The following DPP6 variants were observed in gnomAD, a reference collection of about 807,000 sequenced individuals.
DPP6 encodes dipeptidyl peptidase like 6.
Under a neutral mutation model 122.6 loss-of-function variants are expected in DPP6, and 69 were observed. That is an observed-to-expected ratio of 0.56 (90% CI 0.46 to 0.69). The LOEUF is 0.69. Ranked by LOEUF, DPP6 falls within the 30% of genes least tolerant of loss-of-function variation. DPP6 has a pLI of 0.00. For synonymous variants in DPP6, 418 were observed against 433.1 expected, an observed-to-expected ratio of 0.97 and a Z score of 0.43; for missense variants, 928 against 1,116.9, an observed-to-expected ratio of 0.83 and a Z score of 2.41.
At chr7:154,156,518 A>G (rs1796688962) in intron 1 of DPP6, among the ~76,000 whole-genome samples, 1 of 152,214 alleles carries the variant, frequency 6.6e-6, no homozygotes, top group Non-Finnish European at 1.5e-5. Flanking sequence ...TCTTTATTGG[A>G]TATAGCTGGC....
At chr7:153,943,441 A>G (rs1347314584) in intron 1 of DPP6, among the ~76,000 whole-genome samples, 1 of 152,176 alleles carries the variant, frequency 6.6e-6, no homozygotes, top group Non-Finnish European at 1.5e-5. Context: ...TCCAAATTCC[A>G]TCAAATCATG....
At chr7:154,353,379 T>G (rs890679963) in intron 1 of DPP6, among the ~76,000 whole-genome samples, 1 of 152,128 alleles carries the variant, frequency 6.6e-6, no homozygotes, top group African/African-American at 2.4e-5. Flanking sequence ...GTGCCCAGTA[T>G]AGCGAGAACC....
the DPP6 span, among the ~76,000 whole-genome samples, chr7:153,839,595 C>A: frequency 6.6e-6 from 1 of 152,214 alleles, no homozygotes; most frequent in Non-Finnish European, 1.5e-5. Flanking sequence ...GTCACAGCTG[C>A]ATGGACAGAT....
Position 154,052,845 on chromosome 7 carries a change from A to T in DPP6, c.25A>T (p.Thr9Ser), listed in dbSNP as rs1317234535. 7.8e-6 allele frequency: 12 copies of T among 1,536,856 alleles called. No individual in the cohort carries two copies. Among genetic ancestry groups the T allele is most frequent in the Non-Finnish European group, 9.6e-6 (11 of 1,141,642 alleles). ...GATGGCTTCGCTGTACCAGAGGTTC[A>T]CTGGCAAGATCAACACCTCGAGGTC... is the stretch of plus-strand genomic sequence containing the variant. MASLYQRF[T>S]GKINTSRSFP... is the part of the protein sequence containing the mutation. Residue 9 changes from threonine (T) to serine (S), a missense_variant, in exon 1 of 26, where the codon ACT becomes TCT. Physicochemically the swap from Thr to Ser is moderately conservative, Grantham distance 58. Coordinates refer to ENST00000377770, the MANE Select transcript of DPP6 (RefSeq NM_130797.4). The surrounding 1 kb of genome is among the most constrained non-coding windows in gnomAD (Gnocchi z 4.8).
chr7:154,160,357 T>A (rs952862952), intron 1 of DPP6, among the ~76,000 whole-genome samples: 2 of 152,176 alleles, frequency 1.3e-5, no homozygotes, highest in African/African-American at 4.8e-5. Context: ...TGTTTTATTG[T>A]GCTGCAAAGT....
At chr7:154,225,619 T>C (rs1800549899) in intron 1 of DPP6, among the ~76,000 whole-genome samples, 1 of 152,192 alleles carries the variant, frequency 6.6e-6, no homozygotes, top group Non-Finnish European at 1.5e-5. Flanking sequence ...GTGACAGGCT[T>C]TGAGCATGTG....
intron 1 of DPP6, among the ~76,000 whole-genome samples, chr7:154,260,851 G>C (rs915443402): frequency 6.6e-6 from 1 of 151,524 alleles, no homozygotes; most frequent in African/African-American, 2.4e-5. Context: ...TAAATACCTA[G>C]TAGTGGGATT....
intron 6 of DPP6, among the ~76,000 whole-genome samples, chr7:154,654,588 T>G (rs915838730): frequency 5.3e-5 from 8 of 151,764 alleles, no homozygotes; most frequent in African/African-American, 1.9e-4. Flanking sequence ...CCAGCTAATT[T>G]TTTTATTTTT....
chr7:154,192,679 A>G (rs1798672557), intron 1 of DPP6, among the ~76,000 whole-genome samples: 1 of 152,276 alleles, frequency 6.6e-6, no homozygotes, highest in South Asian at 2.1e-4. Context: ...TTATAAATGA[A>G]TTTTAAAAAT....
rs901316400 is a variant in DPP6, at chr7:154,182,914, T to C, written c.243+129851T>C. Among the ~76,000 whole-genome samples the C allele has an allele frequency of 2.0e-5, 3 of 152,262 alleles. No homozygotes were observed. In the South Asian group the frequency reaches 6.2e-4, roughly 32 times the overall value. The stretch of plus-strand genomic sequence containing the variant: ...TAGGTTCTTGGTTCTCATTCTCCTT[T>C]CCTGAGCCCTCCTTTCTCACTTCTC... On this transcript the variant is annotated intron_variant, in intron 1 of 25. Coordinates refer to ENST00000377770, the MANE Select transcript of DPP6 (RefSeq NM_130797.4).
At chr7:153,939,225 TATC>T (rs2129016163) in intron 1 of DPP6, among the ~76,000 whole-genome samples, 1 of 152,340 alleles carries the variant, frequency 6.6e-6, no homozygotes, top group East Asian at 1.9e-4. Flanking sequence ...AATTCGTTAT[TATC>T]AGTTAATATT....
intron 1 of DPP6, among the ~76,000 whole-genome samples, chr7:154,265,777 T>A (rs1156505190): frequency 2.0e-5 from 3 of 152,180 alleles, no homozygotes; most frequent in Admixed American, 6.5e-5. Flanking sequence ...TATTTCTTTT[T>A]AAAAAAATAT....
chr7:154,210,792 T>G (rs1263671293), intron 1 of DPP6, among the ~76,000 whole-genome samples: 1 of 150,968 alleles, frequency 6.6e-6, no homozygotes, highest in African/African-American at 2.4e-5. Flanking sequence ...GCAAGTTATC[T>G]ATGAGGGAGA....
At chr7:154,662,578 GTGAATCACCATGGCGTATCGGC>G (rs1837802941) in intron 6 of DPP6, among the ~76,000 whole-genome samples, 1 of 100,798 alleles carries the variant, frequency 9.9e-6, no homozygotes, top group Non-Finnish European at 2.0e-5. Flanking sequence ...TATAGTCATG[GTGAATCACCATGGCGTATCGGC>G]CGTAGTGTTC....
chr7:153,950,910 C>T (rs1338912735), intron 1 of DPP6, among the ~76,000 whole-genome samples: 1 of 152,148 alleles, frequency 6.6e-6, no homozygotes, highest in Non-Finnish European at 1.5e-5. Context: ...GAATGCAAGC[C>T]ACGTAGGTGT....
intron 1 of DPP6, among the ~76,000 whole-genome samples, chr7:154,392,231 C>A (rs1021795260): frequency 6.6e-6 from 1 of 152,252 alleles, no homozygotes; most frequent in East Asian, 1.9e-4. Flanking sequence ...TGAGATGGCA[C>A]CACTGCACTC....
chr7:153,967,234 G>T (rs1340388147), intron 1 of DPP6, among the ~76,000 whole-genome samples: 1 of 152,028 alleles, frequency 6.6e-6, no homozygotes, highest in African/African-American at 2.4e-5. Context: ...GTGGCTTTGG[G>T]CTTGTGTTTA....
chr7:153,843,195 TACAC>T, the DPP6 span, among the ~76,000 whole-genome samples: 2 of 150,244 alleles, frequency 1.3e-5, no homozygotes, highest in East Asian at 2.0e-4. Context: ...CACGCGTGCA[TACAC>T]ACACGTGCAC....
chr7:153,766,337 C>T, the DPP6 span, among the ~76,000 whole-genome samples: 1 of 152,164 alleles, frequency 6.6e-6, no homozygotes, highest in African/African-American at 2.4e-5. Flanking sequence ...CAAACTTTAG[C>T]CACTTGCATT....
Sources: gnomAD v4.1 joint callset for allele counts (sites outside exome capture counted in the v4.1 genomes callset) on GRCh38, gnomAD v4.1.1 for gene constraint, Gnocchi (gnomAD v3.1) non-coding constraint, MANE v1.5 for transcripts, NCBI Gene and HGNC (gene_info 2026-07-23, HGNC 2026-07-21) for gene names.